The following LIMK2 variants were observed in gnomAD, a reference collection of about 807,000 sequenced individuals.
LIMK2 encodes LIM domain kinase 2.
A neutral mutation model predicts 75.7 loss-of-function variants in LIMK2; 35 were observed. That is an observed-to-expected ratio of 0.46 (90% CI 0.35 to 0.61). The LOEUF (loss-of-function observed/expected upper bound fraction) is 0.61, where lower values mean the gene tolerates loss of function less well. LIMK2 is among the 20% of genes least tolerant of loss of function. The pLI, the probability that LIMK2 is intolerant of heterozygous loss-of-function variation, is 0.00. For missense variants in LIMK2, 623 were observed against 831.0 expected, an observed-to-expected ratio of 0.75 and a Z score of 3.08; for synonymous variants, 301 against 319.2, an observed-to-expected ratio of 0.94 and a Z score of 0.61.
chr22:31,239,487 C>A (rs1022726787), intron 2 of LIMK2, among the ~76,000 whole-genome samples: 2 of 152,250 alleles, frequency 1.3e-5, no homozygotes, highest in Admixed American at 1.3e-4. Context: ...CATGTTGTTC[C>A]TTCAGGCCAG....
rs2049053563 is a variant in LIMK2 at position 31,278,383 on chromosome 22, A to T, written c.1859A>T (p.Glu620Val). 1.2e-6 allele frequency: 2 copies of T among 1,613,750 alleles called. No individual in the cohort carries two copies. Among genetic ancestry groups the T allele is most frequent in the African/African-American group, 2.7e-5 (2 of 74,850 alleles). ...GGCATCCCGCTGCCTGCAGAGCTGG[A>T]GGAGTTGGACCACACTGTGAGCATG... is the stretch of plus-strand genomic sequence containing the variant. ...ELGIPLPAEL[E>V]ELDHTVSMQY... Residue 620 changes from glutamate to valine, a missense_variant, in exon 16 of 16, where the codon GAG (glutamate) becomes GTG (valine). Physicochemically the swap from Glu to Val is moderately radical, Grantham distance 121. This residue lies in a region of LIMK2 where 46 missense variants were observed against 46.9 expected (regional missense o/e 0.98). Transcript: ENST00000331728.
Position 31,272,607 on chromosome 22 carries a change from G to A in LIMK2, c.1461G>A (p.Lys487=). Residue 487 remains lysine (K), a synonymous_variant, in exon 13 of 16, where the codon AAG becomes AAA. Coordinates refer to ENST00000331728, the MANE Select transcript of LIMK2 (RefSeq NM_005569.4). ...VEERKRAPME[K]ATTKKRTLRK... ...AGAGGAAAAGGGCCCCCATGGAGAAGGCCACCACCAAGAAACGCACCTTGC... is the reference window on the plus strand; with the variant it reads ...AGAGGAAAAGGGCCCCCATGGAGAAAGCCACCACCAAGAAACGCACCTTGC... The A allele has an allele frequency of 6.2e-7, 1 of 1,614,080 alleles. No homozygotes were observed. The highest frequency in any genetic ancestry group is 1.1e-5 in the South Asian group (1 of 91,072).
At chr22:31,241,445 G>GAC (rs2048623101) in intron 2 of LIMK2, among the ~76,000 whole-genome samples, 1 of 152,112 alleles carries the variant, frequency 6.6e-6, no homozygotes, top group Non-Finnish European at 1.5e-5. Flanking sequence ...GGCTCCCTGG[G>GAC]AGTCCCCCAA....
chr22:31,266,948 T>C (rs1159932273), intron 8 of LIMK2, 36 bp from the exon 9 acceptor site: 1 of 1,446,196 alleles, frequency 6.9e-7, no homozygotes, highest in Non-Finnish European at 9.7e-7. Context: ...GAACTTCCTC[T>C]GGTCTCAGCA....
intron 2 of LIMK2, chr22:31,248,709 GGAA>G (rs1238837168): frequency 1.2e-6 from 2 of 1,614,184 alleles, no homozygotes; most frequent in South Asian, 1.1e-5. Flanking sequence ...ATCTGGTGTG[GGAA>G]GAAGATGGGG....
intron 12 of LIMK2, among the ~76,000 whole-genome samples, 195 bp downstream of exon 12, chr22:31,271,396 A>AC (rs2048955623): frequency 6.6e-6 from 1 of 151,924 alleles, no homozygotes; most frequent in Admixed American, 6.6e-5. Flanking sequence ...ACATAATTTC[A>AC]CCTTCTCTCA....
At chr22:31,258,738 T>G in intron 3 of LIMK2, 1 of 395,014 alleles carries the variant, frequency 2.5e-6, no homozygotes, top group Non-Finnish European at 4.7e-6. Flanking sequence ...TTAGGTTGTC[T>G]TTAGGGAATC....
At chr22:31,216,569 A>C (rs988053700) in intron 1 of LIMK2, among the ~76,000 whole-genome samples, 1 of 152,350 alleles carries the variant, frequency 6.6e-6, no homozygotes, top group Non-Finnish European at 1.5e-5. Context: ...AGTGGTAGCA[A>C]TGAAGAAGGC....
chr22:31,266,241 G>C, intron 8 of LIMK2, 109 bp downstream of exon 8: 1 of 1,120,596 alleles, frequency 8.9e-7, no homozygotes. Context: ...AGGATGCCAG[G>C]CCTCCTTCCT....
chr22:31,234,218 G>T (rs1457924097), intron 2 of LIMK2, among the ~76,000 whole-genome samples: 2 of 151,022 alleles, frequency 1.3e-5, no homozygotes, highest in Non-Finnish European at 3.0e-5. Context: ...TGCCATGTTG[G>T]CCAAGCTAGT....
chr22:31,264,343 C>T (rs1373784713), intron 7 of LIMK2, among the ~76,000 whole-genome samples: 1 of 152,194 alleles, frequency 6.6e-6, no homozygotes, highest in Non-Finnish European at 1.5e-5. Context: ...TAGGTCGGGA[C>T]AAGCCAAGAG....
At chr22:31,267,101 G>T in intron 9 of LIMK2, 31 bp downstream of exon 9, 2 of 1,310,024 alleles carry the variant, frequency 1.5e-6, no homozygotes, top group Non-Finnish European at 2.2e-6. Context: ...CGGGAGGTTG[G>T]TGTCACCATT....
rs745993246 is a variant in LIMK2, at chr22:31,262,387, G to A, written c.657+148G>A. The A allele has an allele frequency of 2.5e-5, 20 of 813,098 alleles. No homozygotes were observed. Among genetic ancestry groups the A allele is most frequent in the South Asian group, 6.5e-5 (4 of 61,708 alleles). 50.4% of individuals were successfully genotyped at this position (813,098 alleles called of 1,614,324 possible). On this transcript the variant is annotated intron_variant, in intron 6 of 15. Transcript: ENST00000331728. The surrounding 1 kb of genome is among the most constrained non-coding windows in gnomAD (Gnocchi z 5.0). ...GTGACCACTGGTGACCTATTTCAGC[G>A]TAACAGGTTCCCAGGGTAGCAGGGA...
At chr22:31,265,831 C>T in intron 7 of LIMK2, 115 bp from the exon 8 acceptor site, 2 of 791,362 alleles carry the variant, frequency 2.5e-6, no homozygotes, top group South Asian at 3.4e-5. Context: ...CCAATAATAA[C>T]ATCTAAACTA....
rs370850956 is a variant in LIMK2, at chr22:31,239,432, C to T, written c.116+13613C>T. Among the ~76,000 whole-genome samples the T allele has an allele frequency of 1.7e-4, 26 of 152,326 alleles. No individual in the cohort carries two copies. In the East Asian group the frequency reaches 2.7e-3, roughly 16 times the overall value. Reference sequence around the variant, plus strand: ...CACTAGAGCTTACAGACCTGCTCAGCGTTATATGAGCATACCATACTCTTT... The same window carrying T: ...CACTAGAGCTTACAGACCTGCTCAGTGTTATATGAGCATACCATACTCTTT... On this transcript the variant is annotated intron_variant, in intron 2 of 15. Coordinates refer to ENST00000331728, the MANE Select transcript of LIMK2 (RefSeq NM_005569.4).
At chr22:31,235,339 C>T (rs555765689) in intron 2 of LIMK2, among the ~76,000 whole-genome samples, 2 of 152,270 alleles carry the variant, frequency 1.3e-5, no homozygotes, top group South Asian at 2.1e-4. Context: ...GAATCAGTTC[C>T]GGACATTGGG....
In LIMK2 at chr22:31,267,793, C is replaced by T. The variant is rs2048911437; in HGVS notation, c.1146C>T (p.Ser382=). 6.2e-7 allele frequency: 1 copy of T among 1,603,930 alleles called. No homozygotes were observed. Among genetic ancestry groups the T allele is most frequent in the African/African-American group, 1.3e-5 (1 of 74,198 alleles). Residue 382 remains serine (S), a synonymous_variant, in exon 10 of 16, where the codon AGC becomes AGT. Coordinates refer to ENST00000331728, the MANE Select transcript of LIMK2 (RefSeq NM_005569.4). Reference sequence around the variant, plus strand: ...ACCCCCAGGTGAAAGTGATGCGCAGCCTGGACCACCCCAATGTGCTCAAGT... The same window carrying T: ...ACCCCCAGGTGAAAGTGATGCGCAGTCTGGACCACCCCAATGTGCTCAAGT... The part of the protein sequence containing the change: ...TFLTEVKVMR[S]LDHPNVLKFI...
In LIMK2 at chr22:31,262,872, A is replaced by C. The variant is rs1557656; in HGVS notation, c.854+81A>C. On this transcript the variant is annotated intron_variant, in intron 7 of 15. Coordinates refer to ENST00000331728, the MANE Select transcript of LIMK2 (RefSeq NM_005569.4). The surrounding 1 kb of genome is among the most constrained non-coding windows in gnomAD (Gnocchi z 5.0). ...TGAGCTGGCTTTCAGAAGCCTGCAG[A>C]GTTAGGAAAGGAACCAGCTGGCCAG... 1,567 of 1,272,464 alleles carry C rather than the reference A, an allele frequency of 1.2e-3. 22 individuals carry two copies. In the African/African-American group the frequency reaches 0.021, roughly 17 times the overall value. The allele number at this position is 1,272,464 out of a possible 1,614,324, so 78.8% of individuals were successfully genotyped here. A position where few individuals can be genotyped will look rare whatever the true frequency, so the allele number is the denominator to read the frequency against.
chr22:31,218,820 T>C (rs996568144), intron 1 of LIMK2, among the ~76,000 whole-genome samples: 5 of 152,202 alleles, frequency 3.3e-5, no homozygotes, highest in South Asian at 2.1e-4. Context: ...CTGCACTGAA[T>C]TGGCTGAGTT....
Sources: gnomAD v4.1 joint callset for allele counts (sites outside exome capture counted in the v4.1 genomes callset) on GRCh38, gnomAD v4.1.1 for gene constraint, gnomAD v4.1.1 regional missense constraint, Gnocchi (gnomAD v3.1) non-coding constraint, MANE v1.5 for transcripts, NCBI Gene and HGNC (gene_info 2026-07-23, HGNC 2026-07-21) for gene names.